Variants in ITGAD observed in about 807,000 individuals in gnomAD.
ITGAD encodes integrin subunit alpha D.
In ITGAD, 105 loss-of-function variants were observed where a neutral mutation model predicts 139.0. That is an observed-to-expected ratio of 0.76 (90% CI 0.65 to 0.89). ITGAD has a LOEUF of 0.89. ITGAD is among the 40% of genes least tolerant of loss of function. The pLI, the probability that ITGAD is intolerant of heterozygous loss-of-function variation, is 0.00. For missense variants in ITGAD, 1,384 were observed against 1,487.3 expected, an observed-to-expected ratio of 0.93 and a Z score of 1.14; for synonymous variants, 569 against 598.3, an observed-to-expected ratio of 0.95 and a Z score of 0.71.
rs144091118 is a variant in ITGAD at position 31,411,447 on chromosome 16, A to T, written c.1637A>T (p.Gln546Leu). The change falls in exon 14 of 30, where the codon CAG becomes CTG. Residue 546 changes from glutamine to leucine, a missense_variant. By Grantham distance (113) the Gln-to-Leu change is moderately radical (BLOSUM62 -2). Coordinates refer to ENST00000389202, the MANE Select transcript of ITGAD (RefSeq NM_005353.3). ...GTGGCCATTGGGGCCCCGGGAGAGC[A>T]GGAGAACCGGGGTGCTGTCTACCTG... The part of the protein sequence containing the change: ...IDVAIGAPGE[Q>L]ENRGAVYLFH... The T allele has an allele frequency of 8.1e-6, 13 of 1,614,122 alleles. No individual in the cohort carries two copies. The highest frequency in any genetic ancestry group is 1.1e-5 in the Non-Finnish European group (13 of 1,179,984).
At chr16:31,400,855 C>A (rs2081386158) in intron 5 of ITGAD, among the ~76,000 whole-genome samples, 1 of 152,194 alleles carries the variant, frequency 6.6e-6, no homozygotes, top group Admixed American at 6.5e-5. Flanking sequence ...ATCCGCCCAC[C>A]TCAGCGTCCC....
chr16:31,398,170 A>G (rs192955967), intron 5 of ITGAD, among the ~76,000 whole-genome samples: 2 of 152,122 alleles, frequency 1.3e-5, no homozygotes, highest in Non-Finnish European at 2.9e-5. Context: ...TAATTCCAGC[A>G]TTTTAGGAGG....
chr16:31,410,457 C>G lies in ITGAD; in HGVS notation c.1146C>G (p.Pro382=), dbSNP rs369692698. The G allele has an allele frequency of 1.9e-6, 3 of 1,613,808 alleles. No individual in the cohort carries two copies. The highest frequency in any genetic ancestry group is 2.5e-6 in the Non-Finnish European group (3 of 1,179,970). ...FSWSGGAFLY[P]PNMSPTFINM... The stretch of plus-strand genomic sequence containing the variant: ...GGTCTGGAGGTGCCTTCCTGTATCC[C>G]CCAAATATGAGCCCCACCTTCATCA... The change falls in exon 11 of 30, where the codon CCC becomes CCG. Residue 382 remains proline (P), a synonymous_variant. Coordinates refer to ENST00000389202, the MANE Select transcript of ITGAD (RefSeq NM_005353.3).
At chr16:31,408,360 C>T (rs2081592756) in intron 9 of ITGAD, 65 bp from the exon 10 acceptor site, 10 of 1,356,840 alleles carry the variant, frequency 7.4e-6, no homozygotes, top group African/African-American at 1.4e-5. Context: ...TGTTCTCCTC[C>T]CTGTGTTCTG....
At chr16:31,397,700 G>A (rs1567322553) in intron 4 of ITGAD, 34 bp downstream of exon 4, 4 of 1,043,794 alleles carry the variant, frequency 3.8e-6, no homozygotes, top group Middle Eastern at 2.5e-4. Flanking sequence ...GGGGGGTGGG[G>A]TGGGGCGGGG....
chr16:31,403,722 C>T lies in ITGAD; in HGVS notation c.704+77C>T. 1 of 1,564,360 alleles carries T rather than the reference C, an allele frequency of 6.4e-7. No homozygotes were observed. The highest frequency in any genetic ancestry group is 2.3e-5 in the East Asian group (1 of 44,430). On this transcript the variant is annotated intron_variant, in intron 7 of 29. Coordinates refer to ENST00000389202, the MANE Select transcript of ITGAD (RefSeq NM_005353.3). This position sits in a 1 kb window ranked among gnomAD's most constrained non-coding sequence, Gnocchi z 4.4. Reference sequence around the variant, plus strand: ...AACCCTGGGTCAGCACAGCTCTTCTCAGAGGCTGAGGGAGGCTCCAGGGAA... The same window carrying T: ...AACCCTGGGTCAGCACAGCTCTTCTTAGAGGCTGAGGGAGGCTCCAGGGAA...
At chr16:31,408,643 A>G (rs558711364) in intron 10 of ITGAD, 145 bp downstream of exon 10, 575 of 655,668 alleles carry the variant, frequency 8.8e-4, no homozygotes, top group Admixed American at 1.4e-3. Context: ...GTTAGGGGCC[A>G]GGAGCACAGC....
At chr16:31,423,678 AG>A (rs2082052667) in intron 26 of ITGAD, 30 bp downstream of exon 26, 1 of 1,596,142 alleles carries the variant, frequency 6.3e-7, no homozygotes, top group Non-Finnish European at 8.6e-7. Context: ...CCCACCGCCA[AG>A]ATCAGCCCCC....
At chr16:31,398,437 A>C (rs185084900) in intron 5 of ITGAD, among the ~76,000 whole-genome samples, 2,073 of 151,634 alleles carry the variant, frequency 0.014, 40 homozygotes, top group African/African-American at 0.04. Context: ...CAAAAAAAAA[A>C]AAAAAACAAA....
At chr16:31,417,977 CTG>C (rs2081931081) in intron 20 of ITGAD, 96 bp from the exon 21 acceptor site, 2 of 916,956 alleles carry the variant, frequency 2.2e-6, no homozygotes, top group Admixed American at 4.5e-5. Context: ...AAAGAAAAGT[CTG>C]TCATTTTCCC....
intron 16 of ITGAD, among the ~76,000 whole-genome samples, chr16:31,414,045 A>G (rs1238150098): frequency 6.6e-6 from 1 of 152,148 alleles, no homozygotes; most frequent in Admixed American, 6.5e-5. Flanking sequence ...TCTATCATCT[A>G]TCTGCCAAAT....
intron 16 of ITGAD, among the ~76,000 whole-genome samples, chr16:31,414,187 A>T (rs1474665690): frequency 3.9e-5 from 6 of 151,914 alleles, no homozygotes; most frequent in Non-Finnish European, 8.8e-5. Flanking sequence ...TCTATTATCT[A>T]TCATCTGTCT....
In ITGAD at chr16:31,408,422, C is replaced by T; in HGVS notation, c.1010-3C>T. The T allele has an allele frequency of 6.2e-7, 1 of 1,613,800 alleles. No individual in the cohort carries two copies. Among genetic ancestry groups the T allele is most frequent in the Non-Finnish European group, 8.5e-7 (1 of 1,179,808 alleles). On this transcript the variant is annotated splice_region_variant and splice_polypyrimidine_tract_variant and intron_variant, in intron 9 of 29. Transcript: ENST00000389202. ...GGAACTTCACTGACCTGTTTCCCCACAGGAACCCAGTCCAGGGCAAGCAGC... is the reference window on the plus strand; with the variant it reads ...GGAACTTCACTGACCTGTTTCCCCATAGGAACCCAGTCCAGGGCAAGCAGC...
chr16:31,404,981 C>T (rs980300767), intron 7 of ITGAD, among the ~76,000 whole-genome samples: 2 of 152,048 alleles, frequency 1.3e-5, no homozygotes, highest in Non-Finnish European at 2.9e-5. Context: ...GGCTTACTGC[C>T]ACCTCCATCT....
chr16:31,398,870 G>A (rs145613262), intron 5 of ITGAD, among the ~76,000 whole-genome samples: 10 of 152,252 alleles, frequency 6.6e-5, no homozygotes, highest in African/African-American at 2.2e-4. Flanking sequence ...GCCAACAGGT[G>A]CATGGCCACT....
chr16:31,415,035 T>G, intron 18 of ITGAD, 44 bp downstream of exon 18: 1 of 1,609,990 alleles, frequency 6.2e-7, no homozygotes, highest in Non-Finnish European at 8.5e-7. Flanking sequence ...GACTTCATTT[T>G]GTCTCCATGA....
At chr16:31,410,607 C>A in intron 11 of ITGAD, 83 bp downstream of exon 11, 1 of 1,106,126 alleles carries the variant, frequency 9.0e-7, no homozygotes, top group Non-Finnish European at 1.2e-6. Context: ...GGGGGATGGG[C>A]GCTGTGCTGC....
At position 31,426,261 on chromosome 16, in the gene ITGAD, C is replaced by T. The variant is rs902395025; in HGVS notation, c.*133C>T. 1.7e-5 allele frequency: 11 copies of T among 632,562 alleles called. No individual in the cohort carries two copies. The highest frequency in any genetic ancestry group is 5.5e-5 in the African/African-American group (3 of 54,752). The allele number at this position is 632,562 out of a possible 1,614,324, so 39.2% of individuals were successfully genotyped here. Reference sequence around the variant, plus strand: ...ACCTACCAGGTGCTAAGCACCTTCTCGGAGAGATAGAGATTGTAATGTTTT... The same window carrying T: ...ACCTACCAGGTGCTAAGCACCTTCTTGGAGAGATAGAGATTGTAATGTTTT... On this transcript the variant is annotated 3_prime_UTR_variant, in exon 30 of 30. Transcript: ENST00000389202.
intron 2 of ITGAD, 152 bp downstream of exon 2, chr16:31,394,493 T>C: frequency 3.5e-6 from 2 of 563,380 alleles, no homozygotes; most frequent in East Asian, 6.1e-5. Flanking sequence ...CATCAGCACC[T>C]ATTATTCTCA....
Sources: allele counts gnomAD v4.1 joint callset (sites outside exome capture counted in the v4.1 genomes callset), GRCh38; gene constraint gnomAD v4.1.1; non-coding constraint Gnocchi (gnomAD v3.1); transcripts MANE v1.5; gene names NCBI Gene and HGNC (gene_info 2026-07-23, HGNC 2026-07-21).